SLC9C1: variants seen among roughly 807,000 people sequenced by gnomAD.
SLC9C1 encodes solute carrier family 9 member C1, also known as sodium/hydrogen exchanger 10.
In SLC9C1, 97 loss-of-function variants were observed where a neutral mutation model predicts 140.9. That is an observed-to-expected ratio of 0.69 (90% CI 0.58 to 0.82). SLC9C1 has a LOEUF of 0.82. Among genes scored for constraint, SLC9C1 ranks in the 40% least tolerant of loss-of-function variants. The pLI is 0.00. For missense variants in SLC9C1, 1,340 were observed against 1,389.3 expected, an observed-to-expected ratio of 0.96 and a Z score of 0.56; for synonymous variants, 440 against 442.6, an observed-to-expected ratio of 0.99 and a Z score of 0.07.
intron 20 of SLC9C1, among the ~76,000 whole-genome samples, chr3:112,190,159 T>C (rs906722352): frequency 7.2e-5 from 11 of 152,226 alleles, no homozygotes; most frequent in Admixed American, 7.2e-4. Flanking sequence ...TTTCTAGATA[T>C]ACAATCATGT....
chr3:112,170,386 A>G (rs1215386971), intron 23 of SLC9C1, among the ~76,000 whole-genome samples: 1 of 152,144 alleles, frequency 6.6e-6, no homozygotes, highest in Non-Finnish European at 1.5e-5. Context: ...AATGATTTTG[A>G]ACATTGTTTA....
intron 15 of SLC9C1, among the ~76,000 whole-genome samples, chr3:112,212,715 C>A (rs1443950099): frequency 6.6e-6 from 1 of 151,998 alleles, no homozygotes; most frequent in East Asian, 1.9e-4. Flanking sequence ...GTGAAAAGAC[C>A]AAATCTACAT....
chr3:112,204,502 T>C, intron 16 of SLC9C1, 99 bp from the exon 17 acceptor site: 1 of 1,264,268 alleles, frequency 7.9e-7, no homozygotes, highest in East Asian at 2.7e-5. Flanking sequence ...TTTTCTCTTA[T>C]CTACTCCACA....
intron 5 of SLC9C1, among the ~76,000 whole-genome samples, chr3:112,276,682 G>A (rs1197608963): frequency 1.6e-4 from 24 of 151,964 alleles, no homozygotes; most frequent in Non-Finnish European, 1.8e-4. Context: ...AGACAAGAGT[G>A]AAATCAGCTC....
chr3:112,209,212 GAAAAA>G (rs11294478), intron 15 of SLC9C1, among the ~76,000 whole-genome samples: 1 of 151,572 alleles, frequency 6.6e-6, no homozygotes, highest in Non-Finnish European at 1.5e-5. Context: ...GATACCATTT[GAAAAA>G]AAAATATGAT....
intron 10 of SLC9C1, among the ~76,000 whole-genome samples, chr3:112,258,573 A>G (rs1347738803): frequency 1.3e-5 from 2 of 152,008 alleles, no homozygotes; most frequent in Non-Finnish European, 2.9e-5. Flanking sequence ...ATCTGGGACT[A>G]CAGGTGCGCA....
intron 23 of SLC9C1, among the ~76,000 whole-genome samples, chr3:112,174,804 G>A (rs2077306631): frequency 6.6e-6 from 1 of 152,180 alleles, no homozygotes; most frequent in Non-Finnish European, 1.5e-5. Flanking sequence ...AAGAAATGCT[G>A]GGCTGTCTTT....
At chr3:112,243,825 G>A (rs2079202068) in intron 11 of SLC9C1, among the ~76,000 whole-genome samples, 170 bp downstream of exon 11, 1 of 151,988 alleles carries the variant, frequency 6.6e-6, no homozygotes. Flanking sequence ...CAAATAGCTA[G>A]GACAACAGGT....
intron 1 of SLC9C1, among the ~76,000 whole-genome samples, chr3:112,287,182 A>C (rs1161698223): frequency 6.6e-6 from 1 of 152,192 alleles, no homozygotes; most frequent in Non-Finnish European, 1.5e-5. Flanking sequence ...ACACTCACCA[A>C]TGTGGTCATT....
Position 112,286,832 on chromosome 3 carries a change from T to A in SLC9C1, c.-41A>T. The A allele has an allele frequency of 7.2e-7, 1 of 1,385,180 alleles. No individual in the cohort carries two copies. The highest frequency in any genetic ancestry group is 2.3e-5 in the East Asian group (1 of 43,272). 85.8% of individuals were successfully genotyped at this position (1,385,180 alleles called of 1,614,324 possible). On this transcript the variant is annotated 5_prime_UTR_variant, in exon 2 of 29. Transcript: ENST00000305815. The stretch of plus-strand genomic sequence containing the variant: ...TTATGCAGATTTATGTTAGAAGCAA[T>A]CTCCATATGATCATCCATCTTGTTG...
chr3:112,229,633 G>A (rs1375251420), intron 13 of SLC9C1, among the ~76,000 whole-genome samples: 4 of 152,044 alleles, frequency 2.6e-5, no homozygotes, highest in Non-Finnish European at 5.9e-5. Context: ...TTGTGTGCGT[G>A]TATGTGTGTG....
intron 13 of SLC9C1, among the ~76,000 whole-genome samples, chr3:112,224,144 A>T (rs1400865350): frequency 6.6e-6 from 1 of 152,194 alleles, no homozygotes; most frequent in African/African-American, 2.4e-5. Flanking sequence ...CAGACCCCAC[A>T]TAGGTAGACC....
intron 2 of SLC9C1, among the ~76,000 whole-genome samples, chr3:112,281,264 C>T (rs1374484762): frequency 1.3e-5 from 2 of 152,114 alleles, no homozygotes; most frequent in Admixed American, 6.5e-5. Flanking sequence ...TGGCACAATC[C>T]GACACCATCG....
intron 26 of SLC9C1, among the ~76,000 whole-genome samples, chr3:112,163,673 A>T (rs2075374901): frequency 6.6e-6 from 1 of 152,044 alleles, no homozygotes; most frequent in African/African-American, 2.4e-5. Context: ...ACATTTGCTG[A>T]GGAGAGCTTT....
At chr3:112,157,936 C>G (rs979002034) in intron 26 of SLC9C1, among the ~76,000 whole-genome samples, 4 of 151,856 alleles carry the variant, frequency 2.6e-5, no homozygotes, top group Admixed American at 6.6e-5. Flanking sequence ...TTAGGTTTTT[C>G]TAAGTATGCT....
Position 112,160,471 on chromosome 3 carries a change from C to G in SLC9C1, c.3365-5422G>C, listed in dbSNP as rs2075263811. Among the ~76,000 whole-genome samples, 3 of 145,714 alleles carry G rather than the reference C, an allele frequency of 2.1e-5. No individual in the cohort carries two copies. The Admixed American group carries it at 2.2e-4, about 10-fold the overall frequency. ...AGTGTGATGTTCCCCTTCCTGTGTC[C>G]ATGTGATCTCATTTTTCAATTCCCA... On this transcript the variant is annotated intron_variant, in intron 26 of 28. Coordinates refer to ENST00000305815, the MANE Select transcript of SLC9C1 (RefSeq NM_183061.3).
intron 23 of SLC9C1, among the ~76,000 whole-genome samples, chr3:112,169,837 T>A (rs1424935227): frequency 6.6e-6 from 1 of 152,190 alleles, no homozygotes; most frequent in African/African-American, 2.4e-5. Context: ...ACTTCAACAG[T>A]ACTAATTCTT....
intron 20 of SLC9C1, among the ~76,000 whole-genome samples, chr3:112,185,123 C>A (rs1177513303): frequency 6.6e-6 from 1 of 152,120 alleles, no homozygotes; most frequent in Admixed American, 6.5e-5. Flanking sequence ...AGAACCAGAG[C>A]ACAGAGTGTT....
chr3:112,250,884 T>C (rs1369217357), intron 10 of SLC9C1, among the ~76,000 whole-genome samples: 4 of 152,220 alleles, frequency 2.6e-5, no homozygotes, highest in Non-Finnish European at 5.9e-5. Context: ...AATCCCATTA[T>C]TGGGTATTTA....
Sources: allele counts gnomAD v4.1 joint callset (sites outside exome capture counted in the v4.1 genomes callset), GRCh38; gene constraint gnomAD v4.1.1; transcripts MANE v1.5; gene names NCBI Gene and HGNC (gene_info 2026-07-23, HGNC 2026-07-21).